SORCS2: variants seen among roughly 807,000 people sequenced by gnomAD.
The protein encoded by SORCS2 is sortilin related VPS10 domain containing receptor 2, also known as VPS10 domain-containing receptor SorCS2.
Under a neutral mutation model 141.6 loss-of-function variants are expected in SORCS2, and 100 were observed. The observed-to-expected ratio is 0.71, with a 90% CI of 0.60 to 0.83. SORCS2 has a LOEUF of 0.83. Ranked by LOEUF, SORCS2 falls within the 40% of genes least tolerant of loss-of-function variation. The pLI is 0.00. For missense variants in SORCS2, 1,646 were observed against 1,560.2 expected (o/e 1.05, Z -0.93); for synonymous variants, 789 against 676.9 (o/e 1.17, Z -2.57).
At chr4:7,655,206 C>CACACACACACACAT (rs1413026659) in intron 5 of SORCS2, among the ~76,000 whole-genome samples, 9 of 151,020 alleles carry the variant, frequency 6.0e-5, no homozygotes, top group Admixed American at 3.3e-4. Flanking sequence ...TGCGTGTACA[C>CACACACACACACAT]ACACACACAC....
At chr4:7,694,558 A>G (rs970436576) in intron 11 of SORCS2, among the ~76,000 whole-genome samples, 4 of 152,192 alleles carry the variant, frequency 2.6e-5, no homozygotes, top group African/African-American at 9.7e-5. Context: ...CAGTGTGCTG[A>G]CGCGGCAACA....
At position 7,664,342 on chromosome 4, in the gene SORCS2, C is replaced by G; in HGVS notation, c.953-11C>G. 1 of 1,610,412 alleles carries G rather than the reference C, an allele frequency of 6.2e-7. No homozygotes were observed. Among genetic ancestry groups the G allele is most frequent in the Non-Finnish European group, 8.5e-7 (1 of 1,177,436 alleles). ...AGTCTGACCGCCTGGGTCGGCGCCT[C>G]TCTCCTGTAGATTTTCGGTACGTCA... On this transcript the variant is annotated splice_polypyrimidine_tract_variant and intron_variant, in intron 6 of 26. Coordinates refer to ENST00000507866, the MANE Select transcript of SORCS2 (RefSeq NM_020777.3). The surrounding 1 kb of genome is among the most constrained non-coding windows in gnomAD (Gnocchi z 4.7).
At chr4:7,430,203 C>T (rs774843598) in intron 2 of SORCS2, 10 of 152,048 alleles carry the variant, frequency 6.6e-5, no homozygotes, top group African/African-American at 2.4e-4. Context: ...GGTGGCTGTC[C>T]CCACGGACTG....
intron 2 of SORCS2, among the ~76,000 whole-genome samples, chr4:7,424,989 T>A (rs1726328070): frequency 6.6e-6 from 1 of 152,186 alleles, no homozygotes; most frequent in South Asian, 2.1e-4. Flanking sequence ...GTGGAATGGA[T>A]CCCTGGCCTT....
intron 3 of SORCS2, among the ~76,000 whole-genome samples, chr4:7,632,306 G>GC (rs970252535): frequency 1.3e-5 from 2 of 152,054 alleles, no homozygotes; most frequent in Admixed American, 6.5e-5. Flanking sequence ...AGCCTCCTGG[G>GC]CCCCCAGAAC....
At chr4:7,337,711 A>G (rs1215814619) in intron 1 of SORCS2, among the ~76,000 whole-genome samples, 1 of 152,174 alleles carries the variant, frequency 6.6e-6, no homozygotes. Flanking sequence ...AGTCTAATGG[A>G]AGACAAGGAA....
chr4:7,603,950 A>G (rs1202280850), intron 3 of SORCS2, among the ~76,000 whole-genome samples: 1 of 152,212 alleles, frequency 6.6e-6, no homozygotes, highest in East Asian at 1.9e-4. Flanking sequence ...AATAAATAAA[A>G]ACTTACTAAG....
chr4:7,713,816 C>G (rs1560504377), intron 15 of SORCS2, among the ~76,000 whole-genome samples: 1 of 152,208 alleles, frequency 6.6e-6, no homozygotes, highest in Non-Finnish European at 1.5e-5. Flanking sequence ...TGGCCCCACC[C>G]CTGTCACTGC....
At chr4:7,727,014 CCCTGGGGTGGG>C in intron 21 of SORCS2, 111 bp downstream of exon 21, 1 of 1,365,200 alleles carries the variant, frequency 7.3e-7, no homozygotes, top group Non-Finnish European at 9.8e-7. Flanking sequence ...CCCTGAGTGG[CCCTGGGGTGGG>C]GAGGGAGGGG....
intron 1 of SORCS2, among the ~76,000 whole-genome samples, chr4:7,344,667 C>T (rs1167314430): frequency 6.6e-6 from 1 of 152,136 alleles, no homozygotes; most frequent in Non-Finnish European, 1.5e-5. Flanking sequence ...TGGGACCAGC[C>T]GAGTCCTCCC....
At chr4:7,591,044 C>G (rs1716881073) in intron 3 of SORCS2, among the ~76,000 whole-genome samples, 1 of 152,204 alleles carries the variant, frequency 6.6e-6, no homozygotes, top group Non-Finnish European at 1.5e-5. Flanking sequence ...CTCCCCACAG[C>G]ACACTTGGCG....
chr4:7,702,527 C>T (rs1725152708), intron 12 of SORCS2, among the ~76,000 whole-genome samples: 2 of 152,160 alleles, frequency 1.3e-5, no homozygotes, highest in Admixed American at 6.5e-5. Context: ...GTTTGCCAAG[C>T]GAGGCCACCC....
chr4:7,656,225 G>A (rs1721766535), intron 5 of SORCS2, among the ~76,000 whole-genome samples: 1 of 152,168 alleles, frequency 6.6e-6, no homozygotes, highest in African/African-American at 2.4e-5. Context: ...GCTCATTAGA[G>A]TGGCCTGCAA....
At chr4:7,725,412 T>C (rs1244436389) in intron 20 of SORCS2, 125 bp downstream of exon 20, 8 of 1,354,592 alleles carry the variant, frequency 5.9e-6, no homozygotes, top group Non-Finnish European at 4.9e-6. Flanking sequence ...TCCTCACCCT[T>C]GGGCCCCTCC....
At chr4:7,595,107 C>A (rs557362295) in intron 3 of SORCS2, among the ~76,000 whole-genome samples, 51 of 152,230 alleles carry the variant, frequency 3.4e-4, no homozygotes, top group African/African-American at 1.2e-3. Context: ...TGGATTGGGT[C>A]AAAACTCAGG....
At chr4:7,455,034 A>T (rs1728789437) in intron 2 of SORCS2, among the ~76,000 whole-genome samples, 1 of 33,874 alleles carries the variant, frequency 3.0e-5, no homozygotes, top group Admixed American at 3.9e-4. Context: ...TGTTGGGGTC[A>T]GGTGCTGTGT....
At chr4:7,574,219 G>C (rs562693215) in intron 3 of SORCS2, among the ~76,000 whole-genome samples, 9 of 152,398 alleles carry the variant, frequency 5.9e-5, no homozygotes, top group African/African-American at 2.2e-4. Flanking sequence ...GGACGGGACT[G>C]TGTTCCCCAC....
At position 7,664,503 on chromosome 4, in the gene SORCS2, G is replaced by T. The variant is rs373639069; in HGVS notation, c.1071+32G>T. 15 of 1,519,006 alleles carry T rather than the reference G, an allele frequency of 9.9e-6. No homozygotes were observed. The African/African-American group carries it at 2.1e-4, about 21-fold the overall frequency. The allele number at this position is 1,519,006 out of a possible 1,614,324, so 94.1% of individuals were successfully genotyped here. A position where few individuals can be genotyped will look rare whatever the true frequency, so the allele number is the denominator to read the frequency against. ...TTGCTTCTGGGGCTTTTGGAAATTG[G>T]CAACAGGTGACGTGGCGGATGACCC... On this transcript the variant is annotated intron_variant, in intron 7 of 26. Coordinates refer to ENST00000507866, the MANE Select transcript of SORCS2 (RefSeq NM_020777.3). The surrounding 1 kb of genome is among the most constrained non-coding windows in gnomAD (Gnocchi z 4.7).
intron 9 of SORCS2, among the ~76,000 whole-genome samples, chr4:7,678,101 C>T (rs1285462947): frequency 6.6e-6 from 1 of 152,240 alleles, no homozygotes; most frequent in Non-Finnish European, 1.5e-5. Context: ...CCATTCACCC[C>T]TCATGAAGCA....
Sources: gnomAD v4.1 joint callset for allele counts (sites outside exome capture counted in the v4.1 genomes callset) on GRCh38, gnomAD v4.1.1 for gene constraint, Gnocchi (gnomAD v3.1) non-coding constraint, MANE v1.5 for transcripts, NCBI Gene and HGNC (gene_info 2026-07-23, HGNC 2026-07-21) for gene names.